The following MBNL1 variants were observed in gnomAD, a reference collection of about 807,000 sequenced individuals.
MBNL1 encodes the protein muscleblind-like protein 1.
A neutral mutation model predicts 42.2 loss-of-function variants in MBNL1; 8 were observed. That is an observed-to-expected ratio of 0.19 (90% CI 0.11 to 0.34). MBNL1 has a LOEUF of 0.34. MBNL1 is among the 10% of genes least tolerant of loss of function. MBNL1 has a pLI of 1.00. For synonymous variants in MBNL1, 169 were observed against 173.9 expected, an observed-to-expected ratio of 0.97 and a Z score of 0.22; for missense variants, 309 against 495.3, an observed-to-expected ratio of 0.62 and a Z score of 3.57.
chr3:152,459,969 T>C (rs1416545693), intron 9 of MBNL1, among the ~76,000 whole-genome samples: 1 of 149,194 alleles, frequency 6.7e-6, no homozygotes. Flanking sequence ...ATGTAATGAG[T>C]TTGGCTAAGC....
chr3:152,453,553 A>G (rs866621625), intron 6 of MBNL1, among the ~76,000 whole-genome samples: 4 of 152,320 alleles, frequency 2.6e-5, no homozygotes, highest in Non-Finnish European at 4.4e-5. Flanking sequence ...TAGTAAATCA[A>G]CCCATGTAAA....
chr3:152,279,989 A>C (rs1450089689), intron 1 of MBNL1, among the ~76,000 whole-genome samples: 1 of 152,168 alleles, frequency 6.6e-6, no homozygotes, highest in Non-Finnish European at 1.5e-5. Context: ...TCATAGAGCT[A>C]TTTAGAACAT....
chr3:152,428,297 A>C (rs1410480762), intron 3 of MBNL1, among the ~76,000 whole-genome samples: 1 of 152,248 alleles, frequency 6.6e-6, no homozygotes, highest in African/African-American at 2.4e-5. Context: ...TATACATAAC[A>C]TGAACAAGAC....
Position 152,440,855 on chromosome 3 carries a change from G to C in MBNL1, c.550-4427G>C, listed in dbSNP as rs181800462. Among the ~76,000 whole-genome samples the C allele has an allele frequency of 2.5e-3, 378 of 152,216 alleles. 1 individual carries two copies. Among genetic ancestry groups the C allele is most frequent in the African/African-American group, 8.7e-3 (361 of 41,530 alleles). On this transcript the variant is annotated intron_variant, in intron 4 of 9. Transcript: ENST00000324210. ...GTGATTGATCAAAGTGATTATCTAG[G>C]ATTACTTTTTAAAGTAATACTTAGA...
intron 2 of MBNL1, among the ~76,000 whole-genome samples, chr3:152,370,372 A>G (rs999343550): frequency 6.6e-6 from 1 of 151,814 alleles, no homozygotes; most frequent in African/African-American, 2.4e-5. Context: ...GGAGACTGTT[A>G]TGATTTCTGT....
At chr3:152,384,555 G>A (rs2097329687) in intron 2 of MBNL1, among the ~76,000 whole-genome samples, 1 of 152,034 alleles carries the variant, frequency 6.6e-6, no homozygotes, top group South Asian at 2.1e-4. Flanking sequence ...CTTAGAAAAA[G>A]AAACTACATG....
intron 1 of MBNL1, among the ~76,000 whole-genome samples, chr3:152,273,648 A>C (rs985158604): frequency 6.6e-6 from 1 of 152,222 alleles, no homozygotes; most frequent in Non-Finnish European, 1.5e-5. Flanking sequence ...TATTAATCTC[A>C]AAACGAAATG....
intron 2 of MBNL1, chr3:152,396,196 C>A: frequency 2.7e-6 from 1 of 365,554 alleles, no homozygotes. Context: ...GGAAAACAAG[C>A]TCAGGGCTCC....
At chr3:152,318,467 CTG>C (rs945780452) in intron 2 of MBNL1, among the ~76,000 whole-genome samples, 31 of 152,172 alleles carry the variant, frequency 2.0e-4, no homozygotes, top group African/African-American at 7.5e-4. Flanking sequence ...ACAAATAAAA[CTG>C]CATTTTATTT....
At chr3:152,289,075 AG>A (rs1236471937) in intron 1 of MBNL1, among the ~76,000 whole-genome samples, 1 of 149,520 alleles carries the variant, frequency 6.7e-6, no homozygotes. Context: ...ATATTCGTAA[AG>A]GTTTTCTTAA....
intron 1 of MBNL1, among the ~76,000 whole-genome samples, chr3:152,283,496 G>T (rs527390286): frequency 6.6e-6 from 1 of 152,230 alleles, no homozygotes; most frequent in South Asian, 2.1e-4. Flanking sequence ...TGAAGCAGAA[G>T]CTTTAGGAAG....
chr3:152,351,127 A>G (rs1472099559), intron 2 of MBNL1, among the ~76,000 whole-genome samples: 3 of 152,194 alleles, frequency 2.0e-5, no homozygotes, highest in Non-Finnish European at 4.4e-5. Flanking sequence ...ATAACAAAAC[A>G]TAACTTAGAG....
At chr3:152,281,530 T>A (rs2048476010) in intron 1 of MBNL1, among the ~76,000 whole-genome samples, 1 of 152,084 alleles carries the variant, frequency 6.6e-6, no homozygotes, top group Non-Finnish European at 1.5e-5. Flanking sequence ...TCTGCCTGTG[T>A]GGTTTGCTCA....
chr3:152,415,250 T>A, intron 3 of MBNL1, 139 bp downstream of exon 3: 2 of 750,758 alleles, frequency 2.7e-6, no homozygotes, highest in Non-Finnish European at 4.0e-6. Context: ...CAAAATTAAG[T>A]ATCAGTCAAA....
At chr3:152,307,394 C>T (rs1292045548) in intron 2 of MBNL1, among the ~76,000 whole-genome samples, 1 of 152,202 alleles carries the variant, frequency 6.6e-6, no homozygotes, top group Non-Finnish European at 1.5e-5. Flanking sequence ...ACAAAAGAAT[C>T]TGCACTTTGA....
intron 2 of MBNL1, among the ~76,000 whole-genome samples, chr3:152,365,364 T>C (rs1222082005): frequency 6.6e-6 from 1 of 152,144 alleles, no homozygotes; most frequent in Non-Finnish European, 1.5e-5. Context: ...TGGTTGAATG[T>C]TTGCTACTTC....
intron 2 of MBNL1, among the ~76,000 whole-genome samples, chr3:152,347,479 A>G (rs2094436100): frequency 6.6e-6 from 1 of 152,168 alleles, no homozygotes; most frequent in African/African-American, 2.4e-5. Context: ...AAGTCTTCAA[A>G]TAGGCCATTT....
At chr3:152,289,242 G>A (rs933387783) in intron 1 of MBNL1, among the ~76,000 whole-genome samples, 3 of 151,946 alleles carry the variant, frequency 2.0e-5, no homozygotes, top group Non-Finnish European at 4.4e-5. Flanking sequence ...GTTGACTACT[G>A]ATAACAAAAT....
chr3:152,443,196 A>T (rs1159686094), intron 4 of MBNL1, among the ~76,000 whole-genome samples: 2 of 136,100 alleles, frequency 1.5e-5, no homozygotes, highest in African/African-American at 2.7e-5. Context: ...CCCCCCACAC[A>T]CACACACATG....
Sources: gnomAD v4.1 joint callset for allele counts (sites outside exome capture counted in the v4.1 genomes callset) on GRCh38, gnomAD v4.1.1 for gene constraint, MANE v1.5 for transcripts, NCBI Gene and HGNC (gene_info 2026-07-23, HGNC 2026-07-21) for gene names.